Variants in SHROOM3 observed in about 807,000 individuals in gnomAD.
The protein encoded by SHROOM3 is protein Shroom3.
In SHROOM3, 47 loss-of-function variants were observed where a neutral mutation model predicts 138.6. The ratio of observed to expected loss-of-function variants is 0.34; its 90% CI spans 0.27 to 0.43. The LOEUF is 0.43. Ranked by LOEUF, SHROOM3 falls within the 20% of genes least tolerant of loss-of-function variation. The probability of loss-of-function intolerance (pLI) is 1.00; values close to 1 mark genes in which losing one functional copy is unlikely to be tolerated. For missense variants in SHROOM3, 2,491 were observed against 2,596.5 expected, an observed-to-expected ratio of 0.96 and a Z score of 0.88; for synonymous variants, 1,062 against 1,063.3, an observed-to-expected ratio of 1.00 and a Z score of 0.02.
At chr4:76,661,968 A>G (rs1179226536) in intron 2 of SHROOM3, among the ~76,000 whole-genome samples, 1 of 152,160 alleles carries the variant, frequency 6.6e-6, no homozygotes, top group Non-Finnish European at 1.5e-5. Context: ...GTGTGGTACC[A>G]TTTTGTTCCA....
chr4:76,728,298 AATTGAATG>A (rs1267367373), intron 3 of SHROOM3, among the ~76,000 whole-genome samples: 1 of 152,206 alleles, frequency 6.6e-6, no homozygotes, highest in African/African-American at 2.4e-5. Flanking sequence ...GGTGGGAGGT[AATTGAATG>A]ATGGAGGCAA....
intron 2 of SHROOM3, among the ~76,000 whole-genome samples, chr4:76,592,600 G>A (rs933761935): frequency 1.1e-4 from 16 of 152,110 alleles, no homozygotes; most frequent in African/African-American, 3.1e-4. Context: ...ATCGTCACAC[G>A]TACAGAGAAA....
At chr4:76,579,870 G>GAATCGTTGTGTCTT (rs1734014698) in intron 2 of SHROOM3, among the ~76,000 whole-genome samples, 3 of 152,264 alleles carry the variant, frequency 2.0e-5, no homozygotes, top group Admixed American at 6.5e-5. Context: ...TCGGGGAAGA[G>GAATCGTTGTGTCTT]AATCGTTGTG....
intron 1 of SHROOM3, among the ~76,000 whole-genome samples, chr4:76,515,139 C>G (rs1391903273): frequency 6.6e-6 from 1 of 150,956 alleles, no homozygotes; most frequent in Non-Finnish European, 1.5e-5. Context: ...TGCTTGAACC[C>G]AAGAGGTAGA....
chr4:76,671,949 G>A (rs1252773906), intron 2 of SHROOM3, among the ~76,000 whole-genome samples: 3 of 152,098 alleles, frequency 2.0e-5, no homozygotes. Flanking sequence ...TGGGCATCAC[G>A]TCAGTGCTCA....
In SHROOM3 at chr4:76,754,835, T is replaced by C; in HGVS notation, c.4352T>C (p.Phe1451Ser). 6.2e-7 allele frequency: 1 copy of C among 1,614,100 alleles called. No individual in the cohort carries two copies. The highest frequency in any genetic ancestry group is 8.5e-7 in the Non-Finnish European group (1 of 1,180,000). ...SLPEESSAPDFANLKHYQKQQ... is the reference protein window; with the variant it reads ...SLPEESSAPDSANLKHYQKQQ... Reference sequence around the variant, plus strand: ...CCTGAGGAATCCTCAGCCCCTGATTTTGCAAACCTGAAGCACTATCAAAAA... The same window carrying C: ...CCTGAGGAATCCTCAGCCCCTGATTCTGCAAACCTGAAGCACTATCAAAAA... The change falls in exon 7 of 11, where the codon TTT becomes TCT. Residue 1451 changes from phenylalanine (F) to serine (S), a missense_variant. Physicochemically the swap from Phe to Ser is radical, Grantham distance 155. Coordinates refer to ENST00000296043, the MANE Select transcript of SHROOM3 (RefSeq NM_020859.4).
intron 2 of SHROOM3, among the ~76,000 whole-genome samples, chr4:76,676,329 C>T (rs1415734659): frequency 6.6e-6 from 1 of 152,142 alleles, no homozygotes; most frequent in Non-Finnish European, 1.5e-5. Flanking sequence ...TGAATTCAAC[C>T]ATACCTGTGT....
intron 2 of SHROOM3, among the ~76,000 whole-genome samples, chr4:76,687,223 G>T (rs1413798673): frequency 6.6e-6 from 1 of 152,176 alleles, no homozygotes; most frequent in Non-Finnish European, 1.5e-5. Flanking sequence ...TTCTAAGACA[G>T]GCTGTGCACC....
chr4:76,580,965 G>T (rs1338338369), intron 2 of SHROOM3, among the ~76,000 whole-genome samples: 1 of 151,900 alleles, frequency 6.6e-6, no homozygotes, highest in African/African-American at 2.4e-5. Flanking sequence ...AAGTTTTAGG[G>T]TACATGTGCA....
intron 2 of SHROOM3, among the ~76,000 whole-genome samples, chr4:76,674,975 G>A (rs999976691): frequency 2.0e-5 from 3 of 152,114 alleles, no homozygotes; most frequent in Non-Finnish European, 4.4e-5. Flanking sequence ...GCTGCCAGGG[G>A]TCCTTCTTGG....
intron 3 of SHROOM3, among the ~76,000 whole-genome samples, chr4:76,719,882 T>C (rs771537303): frequency 4.6e-5 from 7 of 152,190 alleles, no homozygotes; most frequent in Non-Finnish European, 1.0e-4. Context: ...AAAGGGGCTG[T>C]ATCTTTTATG....
intron 2 of SHROOM3, among the ~76,000 whole-genome samples, chr4:76,659,277 A>G (rs1030706832): frequency 1.3e-5 from 2 of 152,182 alleles, no homozygotes; most frequent in South Asian, 4.1e-4. Flanking sequence ...CTCCCTACTT[A>G]CAGGTGGAAC....
At chr4:76,735,862 AAAAAAAATATATATATATAT>A (rs1447117060) in intron 4 of SHROOM3, among the ~76,000 whole-genome samples, 19 of 17,536 alleles carry the variant, frequency 1.1e-3, no homozygotes, top group African/African-American at 3.0e-3. Context: ...AAAAAAAAAA[AAAAAAAATATATATATATAT>A]ATATATATAT....
At chr4:76,474,290 G>C (rs1731438107) in intron 1 of SHROOM3, among the ~76,000 whole-genome samples, 1 of 152,178 alleles carries the variant, frequency 6.6e-6, no homozygotes, top group Admixed American at 6.5e-5. Flanking sequence ...GGGGAGGATG[G>C]ATGGGAGAGT....
chr4:76,494,934 ACT>A (rs1491435286), intron 1 of SHROOM3, among the ~76,000 whole-genome samples: 5 of 152,162 alleles, frequency 3.3e-5, no homozygotes, highest in Non-Finnish European at 7.3e-5. Flanking sequence ...AAACAAACAA[ACT>A]CTTAACTACC....
At chr4:76,441,158 G>T (rs929790435) in intron 1 of SHROOM3, among the ~76,000 whole-genome samples, 2 of 138,360 alleles carry the variant, frequency 1.4e-5, no homozygotes, top group African/African-American at 5.3e-5. Context: ...GCAGTGGCGC[G>T]ATCTCGGCTC....
At position 76,487,276 on chromosome 4, in the gene SHROOM3, A is replaced by G. The variant is rs182637693; in HGVS notation, c.168+51056A>G. On this transcript the variant is annotated intron_variant, in intron 1 of 10. Transcript: ENST00000296043. ...TTGAAGTAGCATATATCAGTACTTTATTTCTTTTTTATTGCCAAGTTATAT... is the reference window on the plus strand; with the variant it reads ...TTGAAGTAGCATATATCAGTACTTTGTTTCTTTTTTATTGCCAAGTTATAT... 3.9e-5 allele frequency among the ~76,000 whole-genome samples: 6 copies of G among 152,208 alleles called. No homozygotes were observed. The East Asian group carries it at 1.2e-3, about 29-fold the overall frequency.
intron 1 of SHROOM3, among the ~76,000 whole-genome samples, chr4:76,514,797 A>G (rs928711583): frequency 1.3e-5 from 2 of 152,222 alleles, no homozygotes; most frequent in African/African-American, 4.8e-5. Flanking sequence ...ACGAGGAAAG[A>G]TGGAAGAGAA....
At chr4:76,451,966 G>A (rs750576343) in intron 1 of SHROOM3, among the ~76,000 whole-genome samples, 1 of 152,076 alleles carries the variant, frequency 6.6e-6, no homozygotes, top group Non-Finnish European at 1.5e-5. Flanking sequence ...CTCAGCCTCC[G>A]AGTAGCTGGG....
Sources: allele counts gnomAD v4.1 joint callset (sites outside exome capture counted in the v4.1 genomes callset), GRCh38; gene constraint gnomAD v4.1.1; transcripts MANE v1.5; gene names NCBI Gene and HGNC (gene_info 2026-07-23, HGNC 2026-07-21).